The following GPC6 variants were observed in gnomAD, a reference collection of about 807,000 sequenced individuals.
GPC6 encodes the protein glypican-6.
Under a neutral mutation model 55.2 loss-of-function variants are expected in GPC6, and 14 were observed. The observed-to-expected ratio is 0.25, with a 90% CI of 0.17 to 0.40. GPC6 has a LOEUF of 0.40. Among genes scored for constraint, GPC6 ranks in the 10% least tolerant of loss-of-function variants. The pLI is 1.00. For missense variants in GPC6, 641 were observed against 708.5 expected (o/e 0.90, Z 1.08); for synonymous variants, 278 against 259.6 (o/e 1.07, Z -0.68).
Position 93,227,993 on chromosome 13 carries a change from G to A in GPC6, c.160+377G>A, listed in dbSNP as rs1429229761. On this transcript the variant is annotated intron_variant, in intron 1 of 8. Transcript: ENST00000377047. The surrounding 1 kb of genome is among the most constrained non-coding windows in gnomAD (Gnocchi z 4.3). ...GCGCTCACTCCGCGTTCTGGTTCGGGCAAACTTGGAAGAACTGCGACCGCA... is the reference window on the plus strand; with the variant it reads ...GCGCTCACTCCGCGTTCTGGTTCGGACAAACTTGGAAGAACTGCGACCGCA... 1.8e-4 allele frequency among the ~76,000 whole-genome samples: 28 copies of A among 152,164 alleles called. 1 individual carries two copies. The highest frequency in any genetic ancestry group is 1.8e-3 in the Admixed American group (28 of 15,290).
At chr13:93,554,276 C>T (rs1328480652) in intron 2 of GPC6, among the ~76,000 whole-genome samples, 18 of 152,126 alleles carry the variant, frequency 1.2e-4, no homozygotes, top group Non-Finnish European at 4.4e-5. Context: ...GTATATTCAA[C>T]AGTAAATTAT....
chr13:93,764,856 G>C (rs1269361221), intron 2 of GPC6, among the ~76,000 whole-genome samples: 18 of 152,116 alleles, frequency 1.2e-4, no homozygotes, highest in Admixed American at 1.2e-3. Flanking sequence ...CTGGAGTGTA[G>C]TGGCGTGATC....
At chr13:93,648,545 G>A (rs528757244) in intron 2 of GPC6, among the ~76,000 whole-genome samples, 11 of 152,274 alleles carry the variant, frequency 7.2e-5, no homozygotes, top group African/African-American at 2.6e-4. Flanking sequence ...TCTTAATGCT[G>A]TAAACACTGA....
Position 94,403,199 on chromosome 13 carries a change from G to A in GPC6, c.1650G>A (p.Leu550=). Residue 550 remains leucine (L), a synonymous_variant, in exon 9 of 9, where the codon CTG becomes CTA. Transcript: ENST00000377047. ...CTCTCACCTGCATTGTCCTGGCACT[G>A]CAGAGACTGTGCAGATAATCTTGGG... is the stretch of plus-strand genomic sequence containing the variant. ...SWSLTCIVLA[L]QRLCR The A allele has an allele frequency of 1.2e-6, 2 of 1,613,124 alleles. No homozygotes were observed. Among genetic ancestry groups the A allele is most frequent in the Non-Finnish European group, 1.7e-6 (2 of 1,179,140 alleles).
chr13:94,364,246 C>T (rs1458643840), intron 6 of GPC6, among the ~76,000 whole-genome samples: 2 of 152,154 alleles, frequency 1.3e-5, no homozygotes, highest in South Asian at 2.1e-4. Context: ...TAAGAGGACC[C>T]ATTTAGGTTA....
At chr13:93,461,723 C>T (rs1409247203) in intron 1 of GPC6, among the ~76,000 whole-genome samples, 1 of 152,082 alleles carries the variant, frequency 6.6e-6, no homozygotes, top group East Asian at 1.9e-4. Context: ...AAAATCTAGA[C>T]ATCTTTGTTA....
At chr13:93,868,596 A>C (rs142693085) in intron 3 of GPC6, among the ~76,000 whole-genome samples, 1 of 151,892 alleles carries the variant, frequency 6.6e-6, no homozygotes, top group African/African-American at 2.4e-5. Context: ...ATTTATGTAA[A>C]GGTCTCTCTT....
At chr13:93,583,561 C>T (rs1036925012) in intron 2 of GPC6, among the ~76,000 whole-genome samples, 1 of 152,000 alleles carries the variant, frequency 6.6e-6, no homozygotes, top group East Asian at 1.9e-4. Flanking sequence ...TGGGTACAGG[C>T]GCCTGCCACC....
chr13:93,930,927 G>A (rs1878133767), intron 3 of GPC6, among the ~76,000 whole-genome samples: 1 of 152,136 alleles, frequency 6.6e-6, no homozygotes, highest in Non-Finnish European at 1.5e-5. Flanking sequence ...TACAATCATG[G>A]TGGAAGGTGA....
chr13:94,394,413 C>T (rs1004404520), intron 7 of GPC6, among the ~76,000 whole-genome samples: 2 of 152,232 alleles, frequency 1.3e-5, no homozygotes, highest in Non-Finnish European at 1.5e-5. Flanking sequence ...CAAAATTCTC[C>T]TTCTATGTCT....
chr13:93,829,492 T>C (rs1887399817), intron 2 of GPC6, among the ~76,000 whole-genome samples: 1 of 152,198 alleles, frequency 6.6e-6, no homozygotes, highest in African/African-American at 2.4e-5. Flanking sequence ...TTTATTCAAG[T>C]TCTATAACAT....
chr13:93,471,926 T>G (rs1408426365), intron 1 of GPC6, among the ~76,000 whole-genome samples: 2 of 152,230 alleles, frequency 1.3e-5, no homozygotes, highest in Non-Finnish European at 2.9e-5. Flanking sequence ...TTCTCCGTTC[T>G]TGCTGGCTCT....
chr13:93,298,994 G>C (rs1160377071), intron 1 of GPC6, among the ~76,000 whole-genome samples: 1 of 151,768 alleles, frequency 6.6e-6, no homozygotes, highest in Non-Finnish European at 1.5e-5. Flanking sequence ...TGCACTTCTG[G>C]TGGCAGGCAT....
At chr13:93,808,257 T>A (rs1886595809) in intron 2 of GPC6, among the ~76,000 whole-genome samples, 1 of 152,238 alleles carries the variant, frequency 6.6e-6, no homozygotes, top group Non-Finnish European at 1.5e-5. Flanking sequence ...ATTTTCATCC[T>A]ATTCTGAATA....
chr13:93,877,560 T>A (rs994637167), intron 3 of GPC6, among the ~76,000 whole-genome samples: 9 of 152,098 alleles, frequency 5.9e-5, no homozygotes, highest in Admixed American at 5.9e-4. Flanking sequence ...TTATATTGTC[T>A]TGTAGCTTCA....
chr13:93,542,098 C>T (rs1305711338), intron 1 of GPC6, among the ~76,000 whole-genome samples: 4 of 152,114 alleles, frequency 2.6e-5, no homozygotes, highest in African/African-American at 4.8e-5. Context: ...AGTCCTTGCC[C>T]ATGCCTATGT....
At chr13:94,199,342 C>G (rs73547979) in intron 4 of GPC6, among the ~76,000 whole-genome samples, 1 of 152,066 alleles carries the variant, frequency 6.6e-6, no homozygotes. Context: ...GTTAAAATGC[C>G]TTGTCATCAT....
intron 6 of GPC6, among the ~76,000 whole-genome samples, chr13:94,314,016 A>G (rs1049488091): frequency 6.6e-6 from 1 of 152,220 alleles, no homozygotes; most frequent in African/African-American, 2.4e-5. Flanking sequence ...TGATTGAGTT[A>G]TTCTCTGTTG....
chr13:94,377,789 A>C (rs1039683346), intron 6 of GPC6, among the ~76,000 whole-genome samples: 27 of 152,222 alleles, frequency 1.8e-4, no homozygotes, highest in African/African-American at 5.5e-4. Context: ...AAGACTTGGA[A>C]CCAACCCAAA....
Sources: gnomAD v4.1 joint callset for allele counts (sites outside exome capture counted in the v4.1 genomes callset) on GRCh38, gnomAD v4.1.1 for gene constraint, Gnocchi (gnomAD v3.1) non-coding constraint, MANE v1.5 for transcripts, NCBI Gene and HGNC (gene_info 2026-07-23, HGNC 2026-07-21) for gene names.